MAP4K3: variants seen among roughly 807,000 people sequenced by gnomAD.
MAP4K3 encodes MAPK/ERK kinase kinase kinase 3.
MAP4K3 carries 94 observed loss-of-function variants against 143.5 expected under a neutral mutation model. The observed-to-expected ratio is 0.65, with a 90% CI of 0.55 to 0.78. The LOEUF is 0.78. MAP4K3 is among the 30% of genes least tolerant of loss of function. The pLI is 0.00. For missense variants in MAP4K3, 1,077 were observed against 1,068.1 expected (o/e 1.01, Z -0.12); for synonymous variants, 416 against 347.2 (o/e 1.20, Z -2.20).
At chr2:39,251,696 A>T in intron 33 of MAP4K3, 134 bp downstream of exon 33, 1 of 696,548 alleles carries the variant, frequency 1.4e-6, no homozygotes, top group South Asian at 2.1e-5. Flanking sequence ...CTGACCTGTG[A>T]ATTCTTATAG....
chr2:39,437,030 G>C lies in MAP4K3; in HGVS notation c.-43C>G. The C allele has an allele frequency of 1.3e-6, 2 of 1,528,284 alleles. No homozygotes were observed. The highest frequency in any genetic ancestry group is 9.0e-7 in the Non-Finnish European group (1 of 1,114,696). The allele number at this position is 1,528,284 out of a possible 1,614,324, so 94.7% of individuals were successfully genotyped here. A position where few individuals can be genotyped will look rare whatever the true frequency, so the allele number is the denominator to read the frequency against. On this transcript the variant is annotated 5_prime_UTR_variant, in exon 1 of 34. Transcript: ENST00000263881. ...CCCCGCCTCCCTCCCGGGCAGGGGA[G>C]GGGGGCCGCTCAGGGGGCCACACGG... is the stretch of plus-strand genomic sequence containing the variant.
intron 1 of MAP4K3, among the ~76,000 whole-genome samples, chr2:39,423,381 A>G (rs933738189): frequency 1.3e-5 from 2 of 152,230 alleles, no homozygotes; most frequent in Non-Finnish European, 2.9e-5. Context: ...AGCTAAAAGC[A>G]GTCTTACCAC....
chr2:39,396,312 A>C (rs1398928283), intron 1 of MAP4K3, among the ~76,000 whole-genome samples: 1 of 151,988 alleles, frequency 6.6e-6, no homozygotes, highest in Non-Finnish European at 1.5e-5. Context: ...AAGTGTTGGG[A>C]TTATAGGTGA....
At chr2:39,411,176 GT>G (rs1667223087) in intron 1 of MAP4K3, among the ~76,000 whole-genome samples, 1 of 152,132 alleles carries the variant, frequency 6.6e-6, no homozygotes, top group African/African-American at 2.4e-5. Flanking sequence ...TCAGAGAAAT[GT>G]TTTCTTCTTG....
At chr2:39,300,840 T>G (rs755193326) in intron 15 of MAP4K3, among the ~76,000 whole-genome samples, 1 of 152,220 alleles carries the variant, frequency 6.6e-6, no homozygotes, top group Non-Finnish European at 1.5e-5. Flanking sequence ...TTAATCTATT[T>G]ACATGTTTGT....
intron 1 of MAP4K3, among the ~76,000 whole-genome samples, chr2:39,404,903 G>C (rs962997941): frequency 6.6e-6 from 1 of 152,110 alleles, no homozygotes; most frequent in Non-Finnish European, 1.5e-5. Flanking sequence ...TTACAGGCTT[G>C]AGCCACCACA....
rs1665506902 is a variant in MAP4K3, at chr2:39,436,930, G to C, written c.58C>G (p.Gln20Glu). 3.7e-6 allele frequency: 6 copies of C among 1,612,848 alleles called. No homozygotes were observed. The highest frequency in any genetic ancestry group is 5.1e-6 in the Non-Finnish European group (6 of 1,179,472). ...RNPQEDFELI[Q>E]RIGSGTYGDV... ...CCGTAGGTGCCGCTGCCGATGCGCTGAATCAGCTCGAAGTCCTCCTGCGGG... is the reference window on the plus strand; with the variant it reads ...CCGTAGGTGCCGCTGCCGATGCGCTCAATCAGCTCGAAGTCCTCCTGCGGG... Residue 20 changes from glutamine to glutamate, a missense_variant, in exon 1 of 34, where the codon CAG (glutamine) becomes GAG (glutamate). By Grantham distance (29) the Gln-to-Glu change is conservative (BLOSUM62 2). Transcript: ENST00000263881.
chr2:39,420,556 ACAG>A (rs1232964357), intron 1 of MAP4K3, among the ~76,000 whole-genome samples: 3 of 150,570 alleles, frequency 2.0e-5, no homozygotes, highest in Admixed American at 1.3e-4. Flanking sequence ...AGCTAGGACT[ACAG>A]GCATGTGCCA....
chr2:39,291,077 A>C (rs563947979), intron 18 of MAP4K3, among the ~76,000 whole-genome samples: 1 of 152,320 alleles, frequency 6.6e-6, no homozygotes, highest in South Asian at 2.1e-4. Flanking sequence ...AAAACAAAAC[A>C]AAACAAAAAA....
At position 39,313,377 on chromosome 2, in the gene MAP4K3, TTCACCC is replaced by T. The variant is rs574069741; in HGVS notation, c.997+1927_997+1932del. 1.3e-3 allele frequency among the ~76,000 whole-genome samples: 199 copies of T among 152,256 alleles called. 3 individuals are homozygous for T. Among genetic ancestry groups the T allele is most frequent in the African/African-American group, 4.6e-3 (193 of 41,568 alleles). ...CTGATCTTCTCCCTCCTCCTAACTC[TTCACCC>T]TCAAGCAGGCCCCAGTGTCTGTTGT... On this transcript the variant is annotated intron_variant, in intron 13 of 33. Coordinates refer to ENST00000263881, the MANE Select transcript of MAP4K3 (RefSeq NM_003618.4).
At chr2:39,347,091 T>G (rs1665314089) in intron 3 of MAP4K3, among the ~76,000 whole-genome samples, 2 of 151,330 alleles carry the variant, frequency 1.3e-5, no homozygotes, top group Non-Finnish European at 2.9e-5. Context: ...CTTTACATTC[T>G]CTTTCTCTCA....
chr2:39,250,634 T>C lies in MAP4K3; in HGVS notation c.2669A>G (p.His890Arg). ...ANSNLYILAGHENSY is the reference protein window; with the variant it reads ...ANSNLYILAGRENSY ...CAACAATTCTCAGTAACTGTTTTCA[T>C]GACCCGCCAGGATGTACAAATTGCT... is the stretch of plus-strand genomic sequence containing the variant. The change falls in exon 34 of 34, where the codon CAT becomes CGT. Residue 890 changes from histidine (H) to arginine (R), a missense_variant. Transcript: ENST00000263881. 1.9e-6 allele frequency: 3 copies of C among 1,613,792 alleles called. No individual in the cohort carries two copies. The highest frequency in any genetic ancestry group is 2.5e-6 in the Non-Finnish European group (3 of 1,179,764).
chr2:39,411,900 G>A lies in MAP4K3; in HGVS notation c.96+24992C>T, dbSNP rs117017711. Among the ~76,000 whole-genome samples the A allele has an allele frequency of 3.7e-4, 57 of 152,284 alleles. No homozygotes were observed. In the East Asian group the frequency reaches 8.3e-3, roughly 22 times the overall value. ...AGGAAGCTTAAACACTTGACAACACGCTTCATGGCACTCTAGAGAGTTTAC... is the reference window on the plus strand; with the variant it reads ...AGGAAGCTTAAACACTTGACAACACACTTCATGGCACTCTAGAGAGTTTAC... On this transcript the variant is annotated intron_variant, in intron 1 of 33. Transcript: ENST00000263881.
chr2:39,428,280 T>A (rs1421170297), intron 1 of MAP4K3, among the ~76,000 whole-genome samples: 1 of 152,248 alleles, frequency 6.6e-6, no homozygotes, highest in Non-Finnish European at 1.5e-5. Flanking sequence ...ACTTTAAGTG[T>A]ATTTTCCTTT....
intron 13 of MAP4K3, among the ~76,000 whole-genome samples, chr2:39,313,467 C>T: frequency 6.7e-6 from 1 of 149,662 alleles, no homozygotes; most frequent in African/African-American, 2.5e-5. Flanking sequence ...TCTTTCTTTC[C>T]TTCCTTCCTT....
intron 8 of MAP4K3, among the ~76,000 whole-genome samples, chr2:39,330,279 A>G (rs1157601633): frequency 3.3e-5 from 5 of 152,218 alleles, no homozygotes; most frequent in Admixed American, 3.3e-4. Flanking sequence ...GTTACATTCA[A>G]TAGATCATAG....
chr2:39,346,201 C>T (rs1424355161), intron 3 of MAP4K3, among the ~76,000 whole-genome samples: 1 of 152,180 alleles, frequency 6.6e-6, no homozygotes, highest in African/African-American at 2.4e-5. Context: ...TAACCACTAT[C>T]TCCTTTATTT....
chr2:39,297,598 C>A (rs12622941), intron 16 of MAP4K3, among the ~76,000 whole-genome samples: 72 of 152,210 alleles, frequency 4.7e-4, no homozygotes, highest in African/African-American at 1.7e-3. Context: ...AGTTCCTGCA[C>A]GGTCTGGAAT....
intron 12 of MAP4K3, among the ~76,000 whole-genome samples, chr2:39,317,335 T>G (rs1005989166): frequency 3.3e-5 from 5 of 152,014 alleles, no homozygotes; most frequent in African/African-American, 1.2e-4. Context: ...GAAATACCAT[T>G]CCAGACATAG....
Sources: allele counts gnomAD v4.1 joint callset (sites outside exome capture counted in the v4.1 genomes callset), GRCh38; gene constraint gnomAD v4.1.1; transcripts MANE v1.5; gene names NCBI Gene and HGNC (gene_info 2026-07-23, HGNC 2026-07-21).